GABRB1: variants seen among roughly 807,000 people sequenced by gnomAD.
GABRB1 encodes gamma-aminobutyric acid receptor subunit beta-1.
A neutral mutation model predicts 51.6 loss-of-function variants in GABRB1; 17 were observed. That is an observed-to-expected ratio of 0.33 (90% CI 0.23 to 0.49). The LOEUF is 0.49. Ranked by LOEUF, GABRB1 falls within the 20% of genes least tolerant of loss-of-function variation. GABRB1 has a pLI of 0.99. For missense variants in GABRB1, 410 were observed against 600.6 expected (o/e 0.68, Z 3.32); for synonymous variants, 247 against 218.9 (o/e 1.13, Z -1.14).
At chr4:47,186,540 G>A (rs528879048) in intron 4 of GABRB1, among the ~76,000 whole-genome samples, 3 of 151,712 alleles carry the variant, frequency 2.0e-5, no homozygotes, top group Non-Finnish European at 4.4e-5. Context: ...ACATGAAAAT[G>A]GCCCATGCAC....
chr4:47,326,810 A>C (rs1257276447), intron 5 of GABRB1, among the ~76,000 whole-genome samples: 2 of 152,210 alleles, frequency 1.3e-5, no homozygotes, highest in Non-Finnish European at 2.9e-5. Flanking sequence ...TGTTATTCAT[A>C]AATTACCCAG....
intron 4 of GABRB1, among the ~76,000 whole-genome samples, chr4:47,162,138 GT>G (rs1185591882): frequency 1.3e-5 from 2 of 152,036 alleles, no homozygotes; most frequent in African/African-American, 4.8e-5. Flanking sequence ...TGAGTTAAAA[GT>G]CTTTGGGAGA....
chr4:47,252,381 T>C (rs1722028094), intron 4 of GABRB1, among the ~76,000 whole-genome samples: 1 of 152,088 alleles, frequency 6.6e-6, no homozygotes, highest in Non-Finnish European at 1.5e-5. Context: ...GTCTCCAGGG[T>C]CCTGCAGAAC....
chr4:47,377,034 C>G (rs1319266336), intron 5 of GABRB1, among the ~76,000 whole-genome samples: 2 of 109,554 alleles, frequency 1.8e-5, no homozygotes, highest in Admixed American at 1.6e-4. Flanking sequence ...GCAATGAATT[C>G]TTTCAGGATA....
chr4:47,072,913 A>G (rs1243659113), intron 3 of GABRB1, among the ~76,000 whole-genome samples: 1 of 152,190 alleles, frequency 6.6e-6, no homozygotes, highest in Non-Finnish European at 1.5e-5. Context: ...TTAAGCATTG[A>G]CAATGTCACC....
intron 5 of GABRB1, among the ~76,000 whole-genome samples, chr4:47,329,859 A>T (rs1725408918): frequency 6.6e-6 from 1 of 151,956 alleles, no homozygotes; most frequent in South Asian, 2.1e-4. Context: ...CGAGTGAGAA[A>T]TAAGAAAGAG....
chr4:47,094,038 G>C (rs576570839), intron 3 of GABRB1, among the ~76,000 whole-genome samples: 1 of 151,872 alleles, frequency 6.6e-6, no homozygotes, highest in South Asian at 2.1e-4. Flanking sequence ...CTCGGTGTGG[G>C]CAAGAGGATG....
chr4:47,061,398 C>T (rs905578389), intron 3 of GABRB1, among the ~76,000 whole-genome samples: 1 of 151,908 alleles, frequency 6.6e-6, no homozygotes, highest in East Asian at 1.9e-4. Flanking sequence ...TTGGTAGATT[C>T]GGACAGTGAG....
At chr4:47,150,826 A>ATTG (rs1263333599) in intron 3 of GABRB1, among the ~76,000 whole-genome samples, 1 of 152,040 alleles carries the variant, frequency 6.6e-6, no homozygotes, top group African/African-American at 2.4e-5. Flanking sequence ...AATGCATATG[A>ATTG]TTAAAAAGTA....
At chr4:47,168,136 C>G (rs1312155812) in intron 4 of GABRB1, among the ~76,000 whole-genome samples, 3 of 152,024 alleles carry the variant, frequency 2.0e-5, no homozygotes, top group Non-Finnish European at 4.4e-5. Context: ...GAAATTTAAC[C>G]AAAACCCATG....
intron 3 of GABRB1, among the ~76,000 whole-genome samples, chr4:47,077,314 G>A (rs988251528): frequency 1.3e-5 from 2 of 152,138 alleles, no homozygotes; most frequent in African/African-American, 4.8e-5. Flanking sequence ...TTTTTGAATA[G>A]AGCAGTTCTT....
chr4:47,095,267 C>T (rs1335696238), intron 3 of GABRB1, among the ~76,000 whole-genome samples: 4 of 151,698 alleles, frequency 2.6e-5, no homozygotes, highest in African/African-American at 4.8e-5. Context: ...TGCCAGGGAA[C>T]ATGACAGACC....
intron 4 of GABRB1, among the ~76,000 whole-genome samples, chr4:47,217,252 A>G (rs1482795115): frequency 6.6e-6 from 1 of 151,846 alleles, no homozygotes; most frequent in African/African-American, 2.4e-5. Context: ...CTGTATCTAT[A>G]GTATTAAATA....
chr4:47,310,285 T>G (rs180839900), intron 4 of GABRB1, among the ~76,000 whole-genome samples: 40 of 152,330 alleles, frequency 2.6e-4, no homozygotes, highest in African/African-American at 9.4e-4. Context: ...CCATCTTCTC[T>G]CTTGAGACCT....
intron 1 of GABRB1, among the ~76,000 whole-genome samples, chr4:46,997,839 G>A (rs907324231): frequency 6.6e-6 from 1 of 152,166 alleles, no homozygotes; most frequent in East Asian, 1.9e-4. Context: ...GACACACATA[G>A]GTTGTATCCA....
intron 3 of GABRB1, among the ~76,000 whole-genome samples, chr4:47,140,208 A>C (rs74345054): frequency 6.6e-6 from 1 of 151,782 alleles, no homozygotes; most frequent in Non-Finnish European, 1.5e-5. Context: ...ACACTGTGAG[A>C]TATAATGTAT....
intron 1 of GABRB1, among the ~76,000 whole-genome samples, chr4:47,023,125 A>G (rs536029978): frequency 6.6e-6 from 1 of 152,156 alleles, no homozygotes; most frequent in African/African-American, 2.4e-5. Context: ...CGAAAATCAA[A>G]GCAATTGAAC....
chr4:47,134,500 G>T (rs114149755), intron 3 of GABRB1, among the ~76,000 whole-genome samples: 3 of 152,166 alleles, frequency 2.0e-5, no homozygotes, highest in African/African-American at 7.2e-5. Context: ...AGAGGAAAAT[G>T]ATGGATGCCC....
At chr4:47,056,723 C>A (rs949504134) in intron 3 of GABRB1, among the ~76,000 whole-genome samples, 3 of 152,084 alleles carry the variant, frequency 2.0e-5, no homozygotes, top group Non-Finnish European at 4.4e-5. Flanking sequence ...ATGATATGAT[C>A]TTTACCAAAT....
Sources: gnomAD v4.1 joint callset for allele counts (sites outside exome capture counted in the v4.1 genomes callset) on GRCh38, gnomAD v4.1.1 for gene constraint, MANE v1.5 for transcripts, NCBI Gene and HGNC (gene_info 2026-07-23, HGNC 2026-07-21) for gene names.